FAM135A: variants seen among roughly 807,000 people sequenced by gnomAD.
FAM135A encodes the protein family with sequence similarity 135 member A.
A neutral mutation model predicts 146.8 loss-of-function variants in FAM135A; 79 were observed. The ratio of observed to expected loss-of-function variants is 0.54; its 90% confidence interval spans 0.45 to 0.65. The LOEUF is 0.65. Ranked by LOEUF, FAM135A falls within the 30% of genes least tolerant of loss-of-function variation. The pLI, the probability that FAM135A is intolerant of heterozygous loss-of-function variation, is 0.00. For missense variants in FAM135A, 1,623 were observed against 1,758.2 expected (o/e 0.92, Z 1.38); for synonymous variants, 562 against 603.6 (o/e 0.93, Z 1.01).
At chr6:70,455,503 G>T (rs1420940403) in intron 5 of FAM135A, among the ~76,000 whole-genome samples, 1 of 151,698 alleles carries the variant, frequency 6.6e-6, no homozygotes, top group Non-Finnish European at 1.5e-5. Flanking sequence ...TCTTCGCTTG[G>T]CATACATGTC....
intron 20 of FAM135A, among the ~76,000 whole-genome samples, chr6:70,553,485 C>G (rs1800231211): frequency 6.6e-6 from 1 of 152,106 alleles, no homozygotes; most frequent in African/African-American, 2.4e-5. Flanking sequence ...GACTACTTAG[C>G]TAAATTGAGT....
intron 5 of FAM135A, among the ~76,000 whole-genome samples, chr6:70,454,332 A>G (rs1002559335): frequency 2.6e-5 from 4 of 152,162 alleles, no homozygotes; most frequent in African/African-American, 9.7e-5. Flanking sequence ...GGTAGATTGC[A>G]AGAATATTCT....
chr6:70,431,996 T>G (rs1451644050), intron 4 of FAM135A, among the ~76,000 whole-genome samples: 1 of 152,122 alleles, frequency 6.6e-6, no homozygotes, highest in African/African-American at 2.4e-5. Context: ...ACAGTGTTAC[T>G]CTTTAGACAA....
intron 4 of FAM135A, among the ~76,000 whole-genome samples, chr6:70,449,965 G>A (rs1420821111): frequency 6.6e-6 from 1 of 152,156 alleles, no homozygotes; most frequent in Non-Finnish European, 1.5e-5. Context: ...TCTAACGGAT[G>A]TGGGTGATTC....
Position 70,413,654 on chromosome 6 carries a change from C to G in FAM135A, c.-268C>G. On this transcript the variant is annotated 5_prime_UTR_variant, in exon 1 of 22. Transcript: ENST00000418814. ...GGGCCGTCTTCTTGCAGCTGGACAACGAGCTCCTCCGTTCGACAGGCGGGG... is the reference window on the plus strand; with the variant it reads ...GGGCCGTCTTCTTGCAGCTGGACAAGGAGCTCCTCCGTTCGACAGGCGGGG... 1 of 291,310 alleles carries G rather than the reference C, an allele frequency of 3.4e-6. No homozygotes were observed. The highest frequency in any genetic ancestry group is 5.1e-6 in the Non-Finnish European group (1 of 194,932). 18.0% of individuals were successfully genotyped at this position (291,310 alleles called of 1,614,324 possible).
intron 11 of FAM135A, among the ~76,000 whole-genome samples, chr6:70,499,977 G>A (rs1582576618): frequency 6.6e-6 from 1 of 152,152 alleles, no homozygotes; most frequent in East Asian, 1.9e-4. Flanking sequence ...TTCCCAAGGA[G>A]TATTTTAGTG....
At chr6:70,527,819 T>A (rs1173630346) in intron 15 of FAM135A, among the ~76,000 whole-genome samples, 3 of 152,176 alleles carry the variant, frequency 2.0e-5, no homozygotes, top group Non-Finnish European at 4.4e-5. Flanking sequence ...ACAAATAACC[T>A]AATCTGCTAA....
chr6:70,498,929 C>A (rs1185935863), intron 11 of FAM135A, among the ~76,000 whole-genome samples: 1 of 151,826 alleles, frequency 6.6e-6, no homozygotes, highest in East Asian at 1.9e-4. Flanking sequence ...TGCTATGTGG[C>A]ACTGAGAAGA....
chr6:70,545,015 C>T (rs1187906280), intron 20 of FAM135A, among the ~76,000 whole-genome samples: 4 of 150,570 alleles, frequency 2.7e-5, no homozygotes, highest in African/African-American at 9.8e-5. Context: ...CGCACCATTG[C>T]ACTCCAGCCT....
Position 70,526,357 on chromosome 6 carries a change from T to A in FAM135A, c.3273T>A (p.Asp1091Glu). Reference protein sequence around the residue: ...QDKEDEEEEQDQQMVQNGYYE... With the variant: ...QDKEDEEEEQEQQMVQNGYYE... ...AAGAGGATGAGGAGGAAGAGCAGGA[T>A]CAACAAATGGTTCAAAATGGGTACT... The change falls in exon 15 of 22, where the codon GAT becomes GAA. Residue 1091 changes from aspartate to glutamate, a missense_variant. Transcript: ENST00000418814. 6.2e-7 allele frequency: 1 copy of A among 1,613,558 alleles called. No individual in the cohort carries two copies. Among genetic ancestry groups the A allele is most frequent in the Non-Finnish European group, 8.5e-7 (1 of 1,179,688 alleles).
chr6:70,485,292 G>T (rs955926358), intron 10 of FAM135A, among the ~76,000 whole-genome samples: 1 of 151,948 alleles, frequency 6.6e-6, no homozygotes, highest in African/African-American at 2.4e-5. Context: ...GTAAATATTG[G>T]TAATATATTG....
At chr6:70,473,769 T>C (rs918077689) in intron 5 of FAM135A, among the ~76,000 whole-genome samples, 1 of 152,138 alleles carries the variant, frequency 6.6e-6, no homozygotes, top group Non-Finnish European at 1.5e-5. Flanking sequence ...CTCACTTCAC[T>C]TGGATTCCAG....
At chr6:70,415,025 TGA>T (rs1351664214) in intron 1 of FAM135A, among the ~76,000 whole-genome samples, 5 of 152,258 alleles carry the variant, frequency 3.3e-5, no homozygotes, top group African/African-American at 1.2e-4. Context: ...ATAATTTTCC[TGA>T]GAGTCTCTGT....
chr6:70,495,741 A>G (rs1444031010), intron 11 of FAM135A, among the ~76,000 whole-genome samples: 1 of 152,060 alleles, frequency 6.6e-6, no homozygotes, highest in Non-Finnish European at 1.5e-5. Context: ...GCACCCATCA[A>G]CCTGTCGTCT....
intron 4 of FAM135A, among the ~76,000 whole-genome samples, chr6:70,445,184 TG>T (rs1304890224): frequency 2.9e-4 from 44 of 152,338 alleles, no homozygotes; most frequent in Non-Finnish European, 5.4e-4. Flanking sequence ...GGCTTGTTGC[TG>T]GGCCAAACCC....
intron 5 of FAM135A, among the ~76,000 whole-genome samples, chr6:70,459,228 A>T (rs1266531703): frequency 6.6e-6 from 1 of 152,094 alleles, no homozygotes. Flanking sequence ...TCCAGCGCTA[A>T]ATTTTACCAT....
At position 70,481,218 on chromosome 6, in the gene FAM135A, T is replaced by C. The variant is rs560077619; in HGVS notation, c.669+191T>C. ...TGAAAACTAACATGATACTTCAAAA[T>C]GTTACCAGATTTAGTGGATAGACAT... On this transcript the variant is annotated intron_variant, in intron 9 of 21. Coordinates refer to ENST00000418814, the MANE Select transcript of FAM135A (RefSeq NM_001162529.3). Among the ~76,000 whole-genome samples the C allele has an allele frequency of 5.9e-5, 9 of 152,316 alleles. No homozygotes were observed. The East Asian group carries it at 1.5e-3, about 26-fold the overall frequency.
At chr6:70,455,644 A>G (rs1233265764) in intron 5 of FAM135A, among the ~76,000 whole-genome samples, 1 of 152,144 alleles carries the variant, frequency 6.6e-6, no homozygotes, top group African/African-American at 2.4e-5. Context: ...AATCTAGTAG[A>G]CTAGATTTCT....
At chr6:70,455,876 G>A (rs192164086) in intron 5 of FAM135A, among the ~76,000 whole-genome samples, 169 of 151,956 alleles carry the variant, frequency 1.1e-3, no homozygotes, top group Middle Eastern at 6.8e-3. Context: ...TTTTTGAAGC[G>A]GAGTCTTGCC....
Sources: allele counts gnomAD v4.1 joint callset (sites outside exome capture counted in the v4.1 genomes callset), GRCh38; gene constraint gnomAD v4.1.1; transcripts MANE v1.5; gene names NCBI Gene and HGNC (gene_info 2026-07-23, HGNC 2026-07-21).